PALM2AKAP2: variants seen among roughly 807,000 people sequenced by gnomAD.
PALM2AKAP2 encodes the protein PALM2-AKAP2 fusion protein.
In PALM2AKAP2, 37 loss-of-function variants were observed where a neutral mutation model predicts 71.5. The ratio of observed to expected loss-of-function variants is 0.52; its 90% CI spans 0.40 to 0.68. The LOEUF (loss-of-function observed/expected upper bound fraction) is 0.68. PALM2AKAP2 is among the 30% of genes least tolerant of loss of function. The pLI is 0.00. For synonymous variants in PALM2AKAP2, 468 were observed against 478.8 expected, an observed-to-expected ratio of 0.98 and a Z score of 0.29; for missense variants, 1,224 against 1,191.8, an observed-to-expected ratio of 1.03 and a Z score of -0.40.
intron 1 of PALM2AKAP2, among the ~76,000 whole-genome samples, chr9:109,684,166 G>T (rs530429514): frequency 2.5e-4 from 38 of 152,268 alleles, no homozygotes; most frequent in African/African-American, 7.9e-4. Context: ...TGTGTAGGAA[G>T]GTAGTCCTTT....
intron 3 of PALM2AKAP2, among the ~76,000 whole-genome samples, chr9:109,897,407 C>G (rs901471554): frequency 3.3e-5 from 5 of 151,956 alleles, no homozygotes; most frequent in African/African-American, 1.2e-4. Flanking sequence ...TGGTGAAACC[C>G]CATCTCTACT....
intron 1 of PALM2AKAP2, among the ~76,000 whole-genome samples, chr9:110,049,587 T>C (rs1370478333): frequency 2.1e-5 from 3 of 139,640 alleles, no homozygotes; most frequent in Admixed American, 6.8e-5. Flanking sequence ...AAGCCGGAGT[T>C]TGCGTCTCTG....
At chr9:110,093,992 A>G (rs1834775983) in intron 1 of PALM2AKAP2, among the ~76,000 whole-genome samples, 1 of 152,078 alleles carries the variant, frequency 6.6e-6, no homozygotes, top group African/African-American at 2.4e-5. Flanking sequence ...TACATTTTTG[A>G]TTGTCATGAC....
intron 1 of PALM2AKAP2, among the ~76,000 whole-genome samples, chr9:109,650,776 C>T (rs950739016): frequency 2.6e-5 from 4 of 152,136 alleles, no homozygotes; most frequent in African/African-American, 7.2e-5. Flanking sequence ...TAGTTCATTT[C>T]AGCGGCTTTG....
At chr9:110,080,742 G>A (rs1256637233) in intron 1 of PALM2AKAP2, among the ~76,000 whole-genome samples, 4 of 152,130 alleles carry the variant, frequency 2.6e-5, no homozygotes, top group African/African-American at 4.8e-5. Flanking sequence ...GCAGTGGTGC[G>A]ATCTTGGCTC....
intron 1 of PALM2AKAP2, among the ~76,000 whole-genome samples, chr9:109,813,732 A>G (rs1341098170): frequency 1.3e-5 from 2 of 152,190 alleles, no homozygotes; most frequent in Non-Finnish European, 1.5e-5. Context: ...CAAGAAGCCC[A>G]TAACTCTTAG....
At chr9:109,775,745 C>T (rs757460525), upstream of PALM2AKAP2, among the ~76,000 whole-genome samples, 4 of 152,224 alleles carry the variant, frequency 2.6e-5, no homozygotes, top group East Asian at 1.9e-4. Flanking sequence ...ACTCACACAA[C>T]GGGCCTTGGC....
At chr9:110,152,274 G>A (rs1031166187) in intron 2 of PALM2AKAP2, among the ~76,000 whole-genome samples, 2 of 152,152 alleles carry the variant, frequency 1.3e-5, no homozygotes, top group East Asian at 3.9e-4. Context: ...AGTGTTCAGT[G>A]CAGGTGAGGA....
chr9:109,748,386 C>A (rs1268962758), intron 1 of PALM2AKAP2, among the ~76,000 whole-genome samples: 2 of 152,058 alleles, frequency 1.3e-5, no homozygotes, highest in Non-Finnish European at 2.9e-5. Flanking sequence ...CAGGGGTTCC[C>A]AAGACAGCTG....
chr9:110,166,201 T>C (rs1374198362), intron 3 of PALM2AKAP2, among the ~76,000 whole-genome samples: 2 of 152,208 alleles, frequency 1.3e-5, no homozygotes, highest in African/African-American at 4.8e-5. Flanking sequence ...CATTGCCTCA[T>C]TGATTTATCC....
intron 1 of PALM2AKAP2, among the ~76,000 whole-genome samples, chr9:109,757,867 T>C (rs898472550): frequency 6.6e-6 from 1 of 152,114 alleles, no homozygotes; most frequent in African/African-American, 2.4e-5. Flanking sequence ...TTTTTATGTA[T>C]TTCATTGATT....
intron 1 of PALM2AKAP2, among the ~76,000 whole-genome samples, chr9:109,669,453 A>C (rs10816851): frequency 0.11 from 17,322 of 151,988 alleles, 1,277 homozygotes; most frequent in Non-Finnish European, 0.16. Context: ...TTATGTTGGC[A>C]TCATAAAACT....
chr9:109,883,414 G>A (rs187214285), intron 3 of PALM2AKAP2, among the ~76,000 whole-genome samples: 1 of 152,140 alleles, frequency 6.6e-6, no homozygotes, highest in East Asian at 1.9e-4. Flanking sequence ...ATGGGCACTG[G>A]ATGTGTGCTG....
intron 5 of PALM2AKAP2, among the ~76,000 whole-genome samples, chr9:109,925,410 T>C (rs568233602): frequency 1.3e-5 from 2 of 151,960 alleles, no homozygotes; most frequent in South Asian, 2.1e-4. Flanking sequence ...ACCTGGTCCC[T>C]TGTAGGGATG....
At chr9:110,055,330 G>A (rs1833812084) in intron 1 of PALM2AKAP2, among the ~76,000 whole-genome samples, 2 of 152,080 alleles carry the variant, frequency 1.3e-5, no homozygotes, top group South Asian at 2.1e-4. Flanking sequence ...TGAGTAGCTG[G>A]GATTACAGGC....
chr9:109,854,010 G>A (rs572378417), intron 1 of PALM2AKAP2, among the ~76,000 whole-genome samples: 5 of 152,176 alleles, frequency 3.3e-5, no homozygotes, highest in Admixed American at 2.6e-4. Flanking sequence ...CCAAGCACAT[G>A]GTGCTGGCAG....
intron 1 of PALM2AKAP2, among the ~76,000 whole-genome samples, chr9:109,828,629 G>A (rs746545591): frequency 1.4e-4 from 21 of 151,802 alleles, no homozygotes; most frequent in Non-Finnish European, 2.5e-4. Flanking sequence ...GGGTAGATCT[G>A]TACCACTACC....
intron 5 of PALM2AKAP2, among the ~76,000 whole-genome samples, chr9:109,925,897 C>G (rs906995933): frequency 1.7e-4 from 26 of 152,208 alleles, no homozygotes; most frequent in African/African-American, 5.8e-4. Flanking sequence ...TTGTCTGCTC[C>G]CCTGGCTCTT....
intron 1 of PALM2AKAP2, among the ~76,000 whole-genome samples, chr9:109,683,763 A>G (rs1389252760): frequency 2.0e-5 from 3 of 152,226 alleles, no homozygotes; most frequent in South Asian, 4.2e-4. Context: ...TAGAGCTATG[A>G]TGCTGGTAGG....
Sources: gnomAD v4.1 joint callset for allele counts (sites outside exome capture counted in the v4.1 genomes callset) on GRCh38, gnomAD v4.1.1 for gene constraint, MANE v1.5 for transcripts, NCBI Gene and HGNC (gene_info 2026-07-23, HGNC 2026-07-21) for gene names.